The following DPYSL5 variants were observed in gnomAD, a reference collection of about 807,000 sequenced individuals.
DPYSL5 encodes the protein dihydropyrimidinase-related protein 5.
DPYSL5 carries 9 observed loss-of-function variants against 58.4 expected under a neutral mutation model. The ratio of observed to expected loss-of-function variants is 0.15; its 90% CI spans 0.09 to 0.27. DPYSL5 has a LOEUF of 0.27. DPYSL5 is among the 10% of genes least tolerant of loss of function. The pLI is 1.00. For synonymous variants in DPYSL5, 293 were observed against 301.9 expected (o/e 0.97, Z 0.31); for missense variants, 499 against 770.6 (o/e 0.65, Z 4.17).
chr2:26,915,591 A>G (rs1420400078), intron 2 of DPYSL5, among the ~76,000 whole-genome samples: 1 of 152,134 alleles, frequency 6.6e-6, no homozygotes, highest in African/African-American at 2.4e-5. Flanking sequence ...CTCCTGGTTC[A>G]GAGTGGGCCC....
At chr2:26,903,921 C>T (rs1664223670) in intron 2 of DPYSL5, among the ~76,000 whole-genome samples, 1 of 152,252 alleles carries the variant, frequency 6.6e-6, no homozygotes, top group Admixed American at 6.5e-5. Flanking sequence ...AGTCAGTCCA[C>T]TTGGGGCTGG....
chr2:26,928,844 T>A (rs1464773030), intron 5 of DPYSL5, among the ~76,000 whole-genome samples: 1 of 151,002 alleles, frequency 6.6e-6, no homozygotes, highest in Admixed American at 6.6e-5. Flanking sequence ...GGGGAGACAA[T>A]GTCAGCACAC....
chr2:26,864,799 G>T (rs1666100249), intron 1 of DPYSL5, among the ~76,000 whole-genome samples: 1 of 152,136 alleles, frequency 6.6e-6, no homozygotes, highest in Non-Finnish European at 1.5e-5. Flanking sequence ...GGGGAGAGGG[G>T]GACAGACGCC....
chr2:26,935,181 C>G (rs1054519952), intron 8 of DPYSL5, among the ~76,000 whole-genome samples: 4 of 152,050 alleles, frequency 2.6e-5, no homozygotes, highest in Non-Finnish European at 4.4e-5. Flanking sequence ...TCCCCTTTCC[C>G]TTTTTCTTCT....
Position 26,900,571 on chromosome 2 carries a change from T to G in DPYSL5, c.261+1811T>G, listed in dbSNP as rs530528717. 2.6e-5 allele frequency among the ~76,000 whole-genome samples: 4 copies of G among 152,362 alleles called. No individual in the cohort carries two copies. The South Asian group carries it at 8.3e-4, about 32-fold the overall frequency. On this transcript the variant is annotated intron_variant, in intron 2 of 12. Transcript: ENST00000288699. ...TGTACACATCTTCAGCAAACATGTC[T>G]GTACACATTTTGTTGGGCACATACT...
chr2:26,858,859 C>T (rs1665944702), intron 1 of DPYSL5, among the ~76,000 whole-genome samples: 1 of 152,078 alleles, frequency 6.6e-6, no homozygotes, highest in Non-Finnish European at 1.5e-5. Flanking sequence ...CAGACATCCA[C>T]CACCACACCT....
rs1319922811 is a variant in DPYSL5 at position 26,925,085 on chromosome 2, G to T, written c.420+40G>T. On this transcript the variant is annotated intron_variant, in intron 3 of 12. Transcript: ENST00000288699. The surrounding 1 kb of genome is among the most constrained non-coding windows in gnomAD (Gnocchi z 4.5). ...GGGATCCCAGAAGAAGGCACAAGTG[G>T]TCTTGTAGGCAGAGGGGCTGGTTGG... 1.9e-6 allele frequency: 3 copies of T among 1,605,138 alleles called. No homozygotes were observed. Among genetic ancestry groups the T allele is most frequent in the Non-Finnish European group, 2.6e-6 (3 of 1,174,736 alleles).
chr2:26,907,952 A>G (rs971880232), intron 2 of DPYSL5, among the ~76,000 whole-genome samples: 21 of 152,178 alleles, frequency 1.4e-4, no homozygotes, highest in African/African-American at 4.8e-4. Context: ...ATGGAGTGGG[A>G]GTTATCAGCA....
At chr2:26,886,266 A>G (rs1663718343) in intron 1 of DPYSL5, among the ~76,000 whole-genome samples, 1 of 152,136 alleles carries the variant, frequency 6.6e-6, no homozygotes, top group Non-Finnish European at 1.5e-5. Flanking sequence ...ATTAGTCATT[A>G]ATTCATATAA....
rs1363622787 is a variant in DPYSL5 at position 26,942,279 on chromosome 2, T to TGTC, written c.1232+188_1232+190dup. Reference sequence around the variant, plus strand: ...TCTTCCGTGTCACACATGTCTGGTGTGTCTGTCTCCTCTTCTTATAAGGAC... The same window carrying TGTC: ...TCTTCCGTGTCACACATGTCTGGTGTGTCGTCTGTCTCCTCTTCTTATAAGGAC... On this transcript the variant is annotated intron_variant, in intron 10 of 12. Transcript: ENST00000288699. This position sits in a 1 kb window ranked among gnomAD's most constrained non-coding sequence, Gnocchi z 5.9. 6.6e-6 allele frequency among the ~76,000 whole-genome samples: 1 copy of TGTC among 152,256 alleles called. No homozygotes were observed. The highest frequency in any genetic ancestry group is 1.5e-5 in the Non-Finnish European group (1 of 68,042).
chr2:26,927,384 T>G lies in DPYSL5; in HGVS notation c.552T>G (p.Ile184Met), dbSNP rs1299606989. 1.9e-6 allele frequency: 3 copies of G among 1,614,096 alleles called. No homozygotes were observed. The African/African-American group carries it at 4.0e-5, about 22-fold the overall frequency. Reference protein sequence around the residue: ...LYQVLHACKDIGAIARVHAEN... With the variant: ...LYQVLHACKDMGAIARVHAEN... ...AAGTGTTGCACGCTTGCAAGGACATTGGGGCAATCGCCCGCGTCCATGCTG... is the reference window on the plus strand; with the variant it reads ...AAGTGTTGCACGCTTGCAAGGACATGGGGGCAATCGCCCGCGTCCATGCTG... The change falls in exon 4 of 13, where the codon ATT becomes ATG. Residue 184 changes from isoleucine to methionine, a missense_variant. By Grantham distance (10) the Ile-to-Met change is conservative. Coordinates refer to ENST00000288699, the MANE Select transcript of DPYSL5 (RefSeq NM_020134.4). This position sits in a 1 kb window ranked among gnomAD's most constrained non-coding sequence, Gnocchi z 4.3.
intron 9 of DPYSL5, among the ~76,000 whole-genome samples, chr2:26,941,408 G>T (rs1665319051): frequency 6.6e-6 from 1 of 152,172 alleles, no homozygotes; most frequent in Admixed American, 6.5e-5. Flanking sequence ...CGCACATGAA[G>T]AATAAGTATT....
chr2:26,905,903 G>C lies in DPYSL5; in HGVS notation c.261+7143G>C, dbSNP rs1664275611. On this transcript the variant is annotated intron_variant, in intron 2 of 12. Transcript: ENST00000288699. This position sits in a 1 kb window ranked among gnomAD's most constrained non-coding sequence, Gnocchi z 4.0. Reference sequence around the variant, plus strand: ...AGGTCTTCGGCTCAGAGCCTCGCAAGCCGCCATCCAGGTGTCAATGGGCTG... The same window carrying C: ...AGGTCTTCGGCTCAGAGCCTCGCAACCCGCCATCCAGGTGTCAATGGGCTG... 6.6e-6 allele frequency among the ~76,000 whole-genome samples: 1 copy of C among 152,176 alleles called. No individual in the cohort carries two copies. The highest frequency in any genetic ancestry group is 6.5e-5 in the Admixed American group (1 of 15,282).
chr2:26,906,187 T>G (rs1664283390), intron 2 of DPYSL5, among the ~76,000 whole-genome samples: 2 of 56,360 alleles, frequency 3.5e-5, no homozygotes. Context: ...AACCCATATC[T>G]TTTTTTTTTT....
In DPYSL5 at chr2:26,911,056, A is replaced by T. The variant is rs549264971; in HGVS notation, c.261+12296A>T. Among the ~76,000 whole-genome samples the T allele has an allele frequency of 3.3e-3, 466 of 140,488 alleles. 3 individuals are homozygous for T. The highest frequency in any genetic ancestry group is 0.011 in the African/African-American group (440 of 38,282). The allele number at this position is 140,488 out of a possible 152,430, so 92.2% of individuals were successfully genotyped here. ...ATCTGTTTTAAGTTAATTTTTATACATGGTATGTGGTATCTATGTTCAGTT... is the reference window on the plus strand; with the variant it reads ...ATCTGTTTTAAGTTAATTTTTATACTTGGTATGTGGTATCTATGTTCAGTT... On this transcript the variant is annotated intron_variant, in intron 2 of 12. Coordinates refer to ENST00000288699, the MANE Select transcript of DPYSL5 (RefSeq NM_020134.4).
chr2:26,897,454 G>T (rs1053382779), intron 1 of DPYSL5, among the ~76,000 whole-genome samples: 9 of 152,196 alleles, frequency 5.9e-5, no homozygotes, highest in African/African-American at 2.2e-4. Flanking sequence ...AAAGATGGTG[G>T]ATTACACTGA....
intron 2 of DPYSL5, among the ~76,000 whole-genome samples, chr2:26,909,578 G>A (rs2148145824): frequency 6.6e-6 from 1 of 152,166 alleles, no homozygotes; most frequent in South Asian, 2.1e-4. Context: ...ACCAGCCTAG[G>A]CAACATAGTG....
chr2:26,932,057 G>GA (rs1665009080), intron 6 of DPYSL5, among the ~76,000 whole-genome samples: 1 of 14,924 alleles, frequency 6.7e-5, no homozygotes, highest in Non-Finnish European at 1.5e-4. Flanking sequence ...AGGAAAGAAA[G>GA]AAAGAAAGAA....
Position 26,934,635 on chromosome 2 carries a change from A to C in DPYSL5, c.848A>C (p.Tyr283Ser). 6.2e-7 allele frequency: 1 copy of C among 1,613,846 alleles called. No homozygotes were observed. Among genetic ancestry groups the C allele is most frequent in the Non-Finnish European group, 8.5e-7 (1 of 1,179,988 alleles). ...CATGCCACGCTGACAGGCTTACACT[A>C]CTACCACCAGGACTGGTCCCACGCG... is the stretch of plus-strand genomic sequence containing the variant. Reference protein sequence around the residue: ...TAHATLTGLHYYHQDWSHAAA... With the variant: ...TAHATLTGLHSYHQDWSHAAA... Residue 283 changes from tyrosine to serine, a missense_variant, in exon 8 of 13, where the codon TAC (tyrosine) becomes TCC (serine). By Grantham distance (144) the Tyr-to-Ser change is moderately radical. This residue lies in a region of DPYSL5 where 404 missense variants were observed against 647.6 expected (regional missense o/e 0.62). Transcript: ENST00000288699. The surrounding 1 kb of genome is among the most constrained non-coding windows in gnomAD (Gnocchi z 4.3).
Sources: gnomAD v4.1 joint callset for allele counts (sites outside exome capture counted in the v4.1 genomes callset) on GRCh38, gnomAD v4.1.1 for gene constraint, gnomAD v4.1.1 regional missense constraint, Gnocchi (gnomAD v3.1) non-coding constraint, MANE v1.5 for transcripts, NCBI Gene and HGNC (gene_info 2026-07-23, HGNC 2026-07-21) for gene names.